The following SPON2 variants were observed in gnomAD, a reference collection of about 807,000 sequenced individuals.
The protein encoded by SPON2 is spondin 2.
Under a neutral mutation model 29.9 loss-of-function variants are expected in SPON2, and 32 were observed. The ratio of observed to expected loss-of-function variants is 1.07; its 90% CI spans 0.81 to 1.44. The LOEUF is 1.44. Ranked by LOEUF, SPON2 falls within the 40% of genes most tolerant of loss-of-function variation. The probability of loss-of-function intolerance (pLI) is 0.00; values close to 1 mark genes in which losing one functional copy is unlikely to be tolerated. For missense variants in SPON2, 541 were observed against 455.5 expected (o/e 1.19, Z -1.71); for synonymous variants, 248 against 209.1 (o/e 1.19, Z -1.61).
chr4:1,170,903 T>C (rs2153076890), intron 4 of SPON2, 96 bp downstream of exon 4: 1 of 1,472,488 alleles, frequency 6.8e-7, no homozygotes, highest in African/African-American at 1.4e-5. Flanking sequence ...CGCAAGCGGC[T>C]GTCCTGGGCT....
rs1365045717 is a variant in SPON2 at position 1,167,567 on chromosome 4, T to C, written c.901A>G (p.Arg301Gly). The C allele has an allele frequency of 6.2e-7, 1 of 1,613,588 alleles. No homozygotes were observed. Among genetic ancestry groups the C allele is most frequent in the Non-Finnish European group, 8.5e-7 (1 of 1,179,994 alleles). Reference sequence around the variant, plus strand: ...GGCTGGACCCGGACGTAGCGAGTCCTGCTCTTGGTCCCGAGCCTCCCACAG... The same window carrying C: ...GGCTGGACCCGGACGTAGCGAGTCCCGCTCTTGGTCCCGAGCCTCCCACAG... Reference protein sequence around the residue: ...GHCGRLGTKSRTRYVRVQPAN... With the variant: ...GHCGRLGTKSGTRYVRVQPAN... Residue 301 changes from arginine to glycine, a missense_variant, in exon 6 of 6, where the codon AGG (arginine) becomes GGG (glycine). Transcript: ENST00000290902.
At chr4:1,170,345 G>T in intron 5 of SPON2, 57 bp downstream of exon 5, 2 of 1,540,872 alleles carry the variant, frequency 1.3e-6, no homozygotes, top group Non-Finnish European at 1.8e-6. Flanking sequence ...TTTGGTGGTC[G>T]CCCTGTGGCA....
At chr4:1,167,782 C>A (rs536585427) in intron 5 of SPON2, 126 bp from the exon 6 acceptor site, 15 of 1,011,114 alleles carry the variant, frequency 1.5e-5, no homozygotes, top group East Asian at 7.9e-5. Flanking sequence ...GGGGCACTTG[C>A]GTTTCTCCGC....
chr4:1,169,185 G>A (rs575180251), intron 5 of SPON2, among the ~76,000 whole-genome samples: 2 of 152,120 alleles, frequency 1.3e-5, no homozygotes, highest in Admixed American at 6.5e-5. Flanking sequence ...CTGTGGCCCA[G>A]TGCCCCCAAA....
At chr4:1,192,714 C>T (rs986946320) in intron 1 of SPON2, among the ~76,000 whole-genome samples, 4 of 152,146 alleles carry the variant, frequency 2.6e-5, no homozygotes, top group African/African-American at 7.2e-5. Context: ...TTGGGGGGTA[C>T]GGCCATCCTG....
intron 2 of SPON2, 152 bp from the exon 3 acceptor site, chr4:1,171,638 G>GC (rs1335475963): frequency 3.4e-6 from 3 of 891,412 alleles, no homozygotes; most frequent in Non-Finnish European, 5.0e-6. Flanking sequence ...GGCTGCCCCT[G>GC]CCGCGACCCA....
chr4:1,171,032 G>C lies in SPON2; in HGVS notation c.603C>G (p.Asn201Lys). The change falls in exon 4 of 6, where the codon AAC becomes AAG. Residue 201 changes from asparagine to lysine, a missense_variant. By Grantham distance (94) the Asn-to-Lys change is moderately conservative. Transcript: ENST00000290902. The part of the protein sequence containing the change: ...TDSGFTFSSP[N>K]FATIPQDTVT... ...CCGTGTCCTGCGGGATGGTGGCGAA[G>C]TTGGGGGAGGAGAAGGTGAAGCCGC... 1 of 1,548,924 alleles carries C rather than the reference G, an allele frequency of 6.5e-7. No homozygotes were observed. The highest frequency in any genetic ancestry group is 8.7e-7 in the Non-Finnish European group (1 of 1,145,840).
Position 1,181,249 on chromosome 4 carries a change from GA to G in SPON2, c.-238-1709del, listed in dbSNP as rs994651818. 1.9e-4 allele frequency among the ~76,000 whole-genome samples: 29 copies of G among 149,714 alleles called. No individual in the cohort carries two copies. The East Asian group carries it at 4.7e-3, about 24-fold the overall frequency. On this transcript the variant is annotated intron_variant, in intron 1 of 3. Transcript: ENST00000502483. ...GTTGGGTGACATATTAAACACATTG[GA>G]AAAAAAAATACTATCAACCAAGAAG...
At position 1,167,592 on chromosome 4, in the gene SPON2, G is replaced by A. The variant is rs1360398529; in HGVS notation, c.876C>T (p.His292=). The A allele has an allele frequency of 5.0e-6, 8 of 1,613,440 alleles. No homozygotes were observed. In the African/African-American group the frequency reaches 1.1e-4, roughly 22 times the overall value. The change falls in exon 6 of 6, where the codon CAC becomes CAT. Residue 292 remains histidine, a synonymous_variant. Coordinates refer to ENST00000290902, the MANE Select transcript of SPON2 (RefSeq NM_012445.4). ...TGCTCTTGGTCCCGAGCCTCCCACA[G>A]TGGCCTCCGCACAGTCCCCAGGACG... ...LWSSWGLCGG[H]CGRLGTKSRT...
intron 1 of SPON2, among the ~76,000 whole-genome samples, chr4:1,194,511 A>T: frequency 6.6e-6 from 1 of 152,160 alleles, no homozygotes; most frequent in Non-Finnish European, 1.5e-5. Context: ...GGCCGCAGGC[A>T]GGGCTGTGTG....
rs768279891 is a variant in SPON2, at chr4:1,167,146, C to T, written c.*326G>A. ...GCCCCTGGACGATGAAGGACAATCT[C>T]CTGGAGCAGCAATAACTTATAAGGA... On this transcript the variant is annotated 3_prime_UTR_variant, in exon 6 of 6. Transcript: ENST00000290902. 6.5e-5 allele frequency: 17 copies of T among 259,718 alleles called. No individual in the cohort carries two copies. The highest frequency in any genetic ancestry group is 1.0e-4 in the Non-Finnish European group (14 of 136,252). 16.1% of individuals were successfully genotyped at this position (259,718 alleles called of 1,614,324 possible). A position where few individuals can be genotyped will look rare whatever the true frequency, so the allele number is the denominator to read the frequency against.
intron 1 of SPON2, chr4:1,201,064 T>G (rs1728190964): frequency 6.6e-6 from 3 of 452,460 alleles, no homozygotes; most frequent in Non-Finnish European, 1.3e-5. Context: ...CCTCCCACCC[T>G]GACGAGGTTG....
chr4:1,191,769 A>T (rs1397153855), intron 1 of SPON2, among the ~76,000 whole-genome samples: 1 of 152,226 alleles, frequency 6.6e-6, no homozygotes, highest in Non-Finnish European at 1.5e-5. Context: ...GGACACCAGA[A>T]CCATAGGGTG....
intron 1 of SPON2, among the ~76,000 whole-genome samples, chr4:1,188,803 G>C (rs559173189): frequency 8.7e-4 from 133 of 152,248 alleles, no homozygotes; most frequent in South Asian, 3.3e-3. Flanking sequence ...GTCAGTAGAA[G>C]ACGTCAACAG....
chr4:1,188,832 T>G (rs1193324644), intron 1 of SPON2, among the ~76,000 whole-genome samples: 1 of 152,178 alleles, frequency 6.6e-6, no homozygotes, highest in African/African-American at 2.4e-5. Flanking sequence ...CCACCTAGAC[T>G]TGGCAGACGT....
At chr4:1,203,315 C>T (rs1313222638) in intron 1 of SPON2, among the ~76,000 whole-genome samples, 1 of 152,220 alleles carries the variant, frequency 6.6e-6, no homozygotes, top group Non-Finnish European at 1.5e-5. Flanking sequence ...TCACCGTGGA[C>T]CTGCCCATTC....
intron 1 of SPON2, among the ~76,000 whole-genome samples, chr4:1,186,962 C>T (rs142968548): frequency 9.9e-5 from 15 of 152,262 alleles, no homozygotes; most frequent in African/African-American, 2.6e-4. Context: ...ATGAAAAACA[C>T]GATAAGAGTT....
At chr4:1,205,273 C>T (rs145873203) in intron 1 of SPON2, among the ~76,000 whole-genome samples, 1 of 152,328 alleles carries the variant, frequency 6.6e-6, no homozygotes, top group East Asian at 1.9e-4. Flanking sequence ...GGGAAGAGGC[C>T]ATGCCCGGAG....
chr4:1,193,980 T>G (rs1272508628), intron 1 of SPON2, among the ~76,000 whole-genome samples: 2 of 151,672 alleles, frequency 1.3e-5, no homozygotes, highest in Non-Finnish European at 2.9e-5. Flanking sequence ...TCCCTGTCCC[T>G]CTTCTTTGGA....
Sources: gnomAD v4.1 joint callset for allele counts (sites outside exome capture counted in the v4.1 genomes callset) on GRCh38, gnomAD v4.1.1 for gene constraint, MANE v1.5 for transcripts, NCBI Gene and HGNC (gene_info 2026-07-23, HGNC 2026-07-21) for gene names.